GALNTL6: variants seen among roughly 807,000 people sequenced by gnomAD.
The protein encoded by GALNTL6 is polypeptide N-acetylgalactosaminyltransferase-like 6.
Under a neutral mutation model 73.7 loss-of-function variants are expected in GALNTL6, and 46 were observed. That is an observed-to-expected ratio of 0.62 (90% CI 0.49 to 0.80). GALNTL6 has a LOEUF of 0.80. Among genes scored for constraint, GALNTL6 ranks in the 30% least tolerant of loss-of-function variants. GALNTL6 has a pLI of 0.00. For missense variants in GALNTL6, 604 were observed against 755.0 expected, an observed-to-expected ratio of 0.80 and a Z score of 2.34; for synonymous variants, 259 against 263.7, an observed-to-expected ratio of 0.98 and a Z score of 0.17.
At chr4:171,820,195 C>A (rs1436523650) in intron 2 of GALNTL6, among the ~76,000 whole-genome samples, 1 of 152,170 alleles carries the variant, frequency 6.6e-6, no homozygotes, top group Non-Finnish European at 1.5e-5. Context: ...CACAAAACTT[C>A]AAGGCATCAT....
intron 2 of GALNTL6, among the ~76,000 whole-genome samples, chr4:171,959,498 T>C (rs1476995717): frequency 6.6e-6 from 1 of 152,204 alleles, no homozygotes; most frequent in Non-Finnish European, 1.5e-5. Flanking sequence ...ATATAACTTC[T>C]CTGCAGAATA....
intron 5 of GALNTL6, among the ~76,000 whole-genome samples, chr4:172,623,835 G>T (rs1392828194): frequency 6.6e-6 from 1 of 151,962 alleles, no homozygotes; most frequent in Non-Finnish European, 1.5e-5. Context: ...TTGGGCCTTG[G>T]TCCATCTTAG....
chr4:172,000,278 G>T (rs908273479), intron 2 of GALNTL6, among the ~76,000 whole-genome samples: 2 of 152,114 alleles, frequency 1.3e-5, no homozygotes, highest in Admixed American at 6.6e-5. Context: ...ACTCTCCTTG[G>T]TCAGAATCTT....
intron 2 of GALNTL6, among the ~76,000 whole-genome samples, chr4:172,125,024 C>T (rs551481050): frequency 5.9e-5 from 9 of 151,734 alleles, no homozygotes; most frequent in East Asian, 1.9e-4. Flanking sequence ...GAGTTAAGAC[C>T]GAAGAAAAAA....
chr4:171,940,803 G>A (rs1028990414), intron 2 of GALNTL6, among the ~76,000 whole-genome samples: 3 of 148,134 alleles, frequency 2.0e-5, no homozygotes, highest in African/African-American at 7.5e-5. Context: ...GGACGACAGA[G>A]CAAGATTCCA....
chr4:172,341,236 G>C (rs1484051131), intron 4 of GALNTL6, among the ~76,000 whole-genome samples: 1 of 151,734 alleles, frequency 6.6e-6, no homozygotes, highest in Non-Finnish European at 1.5e-5. Flanking sequence ...CGGATCACGA[G>C]GTCAGGAGAT....
At chr4:172,526,651 A>G (rs1193513983) in intron 5 of GALNTL6, among the ~76,000 whole-genome samples, 2 of 152,152 alleles carry the variant, frequency 1.3e-5, no homozygotes, top group Non-Finnish European at 2.9e-5. Flanking sequence ...ACACGATCAT[A>G]TGGTGAGATA....
chr4:172,405,124 G>A (rs932049164), intron 5 of GALNTL6, among the ~76,000 whole-genome samples: 7 of 151,660 alleles, frequency 4.6e-5, no homozygotes, highest in East Asian at 1.9e-4. Flanking sequence ...GAAATGATTC[G>A]GAAAGCCTTC....
At chr4:172,777,175 AT>A (rs569772497) in intron 5 of GALNTL6, among the ~76,000 whole-genome samples, 52 of 152,238 alleles carry the variant, frequency 3.4e-4, no homozygotes, top group Admixed American at 2.0e-3. Context: ...TCAATAAATA[AT>A]TTTTTTAAAT....
intron 2 of GALNTL6, among the ~76,000 whole-genome samples, chr4:171,837,797 C>T (rs972228985): frequency 1.3e-5 from 2 of 149,794 alleles, no homozygotes; most frequent in Non-Finnish European, 3.0e-5. Flanking sequence ...TGAGGATAGC[C>T]CTAATTATGC....
chr4:172,706,929 C>A (rs12651320), intron 5 of GALNTL6, among the ~76,000 whole-genome samples: 20,434 of 152,092 alleles, frequency 0.13, 1,642 homozygotes, highest in East Asian at 0.24. Context: ...TTGTCTCCAG[C>A]TACCCTCAGG....
intron 2 of GALNTL6, among the ~76,000 whole-genome samples, chr4:171,818,159 G>T (rs1734571433): frequency 6.6e-6 from 1 of 151,398 alleles, no homozygotes; most frequent in Non-Finnish European, 1.5e-5. Context: ...TCTTGTTTCA[G>T]CTGTATTTGC....
intron 5 of GALNTL6, among the ~76,000 whole-genome samples, chr4:172,759,931 G>A (rs1737979600): frequency 7.0e-6 from 1 of 143,480 alleles, no homozygotes. Flanking sequence ...CTGCTTCCCG[G>A]GTTCACGCCA....
chr4:172,666,199 T>A (rs1731651032), intron 5 of GALNTL6, among the ~76,000 whole-genome samples: 1 of 152,206 alleles, frequency 6.6e-6, no homozygotes, highest in Admixed American at 6.5e-5. Flanking sequence ...ACATTCATTG[T>A]TTGACTATAA....
intron 5 of GALNTL6, among the ~76,000 whole-genome samples, chr4:172,726,454 A>G (rs36081927): frequency 0.15 from 23,198 of 152,194 alleles, 2,060 homozygotes; most frequent in Admixed American, 0.25. Flanking sequence ...GGCTCCTGCA[A>G]GGAGAGCTTG....
chr4:172,367,347 C>G (rs1742603271), intron 5 of GALNTL6, among the ~76,000 whole-genome samples: 1 of 152,138 alleles, frequency 6.6e-6, no homozygotes, highest in South Asian at 2.1e-4. Flanking sequence ...TCATGATTAA[C>G]TTGAGTCTTT....
At chr4:171,948,242 G>C (rs1738762125) in intron 2 of GALNTL6, among the ~76,000 whole-genome samples, 1 of 152,150 alleles carries the variant, frequency 6.6e-6, no homozygotes. Flanking sequence ...AGTCAGAGAA[G>C]AAAACCACTT....
At chr4:172,983,645 A>G (rs1196287982) in intron 10 of GALNTL6, among the ~76,000 whole-genome samples, 1 of 152,212 alleles carries the variant, frequency 6.6e-6, no homozygotes, top group Admixed American at 6.5e-5. Context: ...CAGTGAGTCA[A>G]GACTGCACCA....
intron 3 of GALNTL6, among the ~76,000 whole-genome samples, chr4:172,241,330 G>A (rs533158533): frequency 2.0e-3 from 302 of 152,218 alleles, no homozygotes; most frequent in Non-Finnish European, 3.8e-3. Context: ...CTAGAGGTGA[G>A]TAATAAGAAA....
Sources: allele counts gnomAD v4.1 joint callset (sites outside exome capture counted in the v4.1 genomes callset), GRCh38; gene constraint gnomAD v4.1.1; transcripts MANE v1.5; gene names NCBI Gene and HGNC (gene_info 2026-07-23, HGNC 2026-07-21).